Variants in CTNNA1 observed in about 807,000 individuals in gnomAD.
CTNNA1 encodes catenin alpha 1, also known as catenin alpha-1.
CTNNA1 carries 37 observed loss-of-function variants against 98.4 expected under a neutral mutation model. That is an observed-to-expected ratio of 0.38 (90% CI 0.29 to 0.49). The LOEUF (loss-of-function observed/expected upper bound fraction) is 0.49. Among genes scored for constraint, CTNNA1 ranks in the 20% least tolerant of loss-of-function variants. CTNNA1 has a pLI of 0.95. For synonymous variants in CTNNA1, 404 were observed against 413.2 expected, an observed-to-expected ratio of 0.98 and a Z score of 0.27; for missense variants, 761 against 1,147.2, an observed-to-expected ratio of 0.66 and a Z score of 4.86.
At chr5:138,780,837 C>G (rs1184161132) in intron 1 of CTNNA1, among the ~76,000 whole-genome samples, 6 of 152,136 alleles carry the variant, frequency 3.9e-5, no homozygotes, top group Non-Finnish European at 8.8e-5. Flanking sequence ...AAATGTCTAC[C>G]AGCAGTTTGT....
chr5:138,900,892 G>A (rs1757888596), intron 9 of CTNNA1, among the ~76,000 whole-genome samples: 1 of 152,182 alleles, frequency 6.6e-6, no homozygotes, highest in South Asian at 2.1e-4. Context: ...GGCACAGATG[G>A]TACAAAAGAG....
intron 1 of CTNNA1, among the ~76,000 whole-genome samples, chr5:138,776,749 C>G (rs534056203): frequency 6.9e-6 from 1 of 145,408 alleles, no homozygotes; most frequent in Admixed American, 6.8e-5. Context: ...TAGGGGCGGC[C>G]GGGCAGAAGC....
At chr5:138,828,959 A>C (rs1046895989) in intron 7 of CTNNA1, among the ~76,000 whole-genome samples, 3 of 152,206 alleles carry the variant, frequency 2.0e-5, no homozygotes, top group Non-Finnish European at 4.4e-5. Context: ...TCCCATCTCT[A>C]CAAAAAATAC....
chr5:138,892,328 GTTTTTTT>G (rs70982738), intron 9 of CTNNA1, among the ~76,000 whole-genome samples: 1,338 of 79,056 alleles, frequency 0.017, 6 homozygotes, highest in African/African-American at 0.071. Flanking sequence ...AAATAGCTTA[GTTTTTTT>G]TTTTTTTTTT....
At chr5:138,833,491 C>A (rs907378879) in intron 7 of CTNNA1, among the ~76,000 whole-genome samples, 3 of 152,160 alleles carry the variant, frequency 2.0e-5, no homozygotes, top group Admixed American at 6.5e-5. Context: ...TAAATAAAAT[C>A]TATTAAACTT....
chr5:138,797,583 G>A (rs1438444156), intron 3 of CTNNA1, among the ~76,000 whole-genome samples: 2 of 152,162 alleles, frequency 1.3e-5, no homozygotes, highest in Admixed American at 1.3e-4. Context: ...AGGTTCTGGT[G>A]AAGAAGCTAT....
At chr5:138,862,895 G>A (rs546632154) in intron 7 of CTNNA1, among the ~76,000 whole-genome samples, 1 of 152,206 alleles carries the variant, frequency 6.6e-6, no homozygotes, top group Non-Finnish European at 1.5e-5. Context: ...CTATTTGATG[G>A]ATCTGTAGCA....
At chr5:138,830,428 T>C (rs1240780086) in intron 7 of CTNNA1, among the ~76,000 whole-genome samples, 1 of 152,222 alleles carries the variant, frequency 6.6e-6, no homozygotes, top group Non-Finnish European at 1.5e-5. Context: ...GGAGATGGTC[T>C]CTGGGTATGT....
At chr5:138,799,657 G>C (rs1405889935) in intron 3 of CTNNA1, among the ~76,000 whole-genome samples, 1 of 149,418 alleles carries the variant, frequency 6.7e-6, no homozygotes, top group Non-Finnish European at 1.5e-5. Flanking sequence ...TGACCATTCA[G>C]AAGTTTGAGG....
At chr5:138,779,480 A>G (rs1201096721) in intron 1 of CTNNA1, among the ~76,000 whole-genome samples, 3 of 151,934 alleles carry the variant, frequency 2.0e-5, no homozygotes, top group African/African-American at 7.3e-5. Flanking sequence ...TCCGCACAAT[A>G]CAGTGCTTCA....
chr5:138,828,014 A>G, intron 7 of CTNNA1: 1 of 292,626 alleles, frequency 3.4e-6, no homozygotes, highest in Non-Finnish European at 5.9e-6. Context: ...ATATAAATGT[A>G]TATGTATGTA....
chr5:138,838,670 C>G (rs897214553), intron 7 of CTNNA1, among the ~76,000 whole-genome samples: 1 of 152,022 alleles, frequency 6.6e-6, no homozygotes, highest in African/African-American at 2.4e-5. Flanking sequence ...GACTTGAGAC[C>G]TTTCTTCTTT....
chr5:138,843,129 C>A (rs192623705), intron 7 of CTNNA1, among the ~76,000 whole-genome samples: 2 of 152,186 alleles, frequency 1.3e-5, no homozygotes, highest in African/African-American at 4.8e-5. Context: ...TGGTTACATA[C>A]AAGATAATTC....
chr5:138,764,860 A>ATC (rs1344939838), intron 1 of CTNNA1, among the ~76,000 whole-genome samples: 211 of 115,384 alleles, frequency 1.8e-3, no homozygotes, highest in African/African-American at 6.5e-3. Flanking sequence ...AATTTGCTGT[A>ATC]TCTCTCTCTT....
At chr5:138,797,805 C>A (rs1757128338) in intron 3 of CTNNA1, among the ~76,000 whole-genome samples, 1 of 151,706 alleles carries the variant, frequency 6.6e-6, no homozygotes. Flanking sequence ...ATGACCAGTT[C>A]CTGAGAACTG....
In CTNNA1 at chr5:138,917,790, G is replaced by A; in HGVS notation, c.1438G>A (p.Ala480Thr). ...ALAAKPQSKLAQENMDLFKEQ... is the reference protein window; with the variant it reads ...ALAAKPQSKLTQENMDLFKEQ... ...AGCAGCAAAACCACAGAGTAAACTG[G>A]CCCAAGAGAACATGGATCTTTTTAA... The change falls in exon 11 of 18, where the codon GCC (alanine) becomes ACC (threonine). Residue 480 changes from alanine to threonine, a missense_variant. Coordinates refer to ENST00000302763, the MANE Select transcript of CTNNA1 (RefSeq NM_001903.5). 1 of 1,614,130 alleles carries A rather than the reference G, an allele frequency of 6.2e-7. No homozygotes were observed. Among genetic ancestry groups the A allele is most frequent in the South Asian group, 1.1e-5 (1 of 91,076 alleles).
chr5:138,764,017 T>C (rs767865248), intron 1 of CTNNA1, among the ~76,000 whole-genome samples: 1 of 152,110 alleles, frequency 6.6e-6, no homozygotes, highest in Non-Finnish European at 1.5e-5. Context: ...AAACACCGTC[T>C]CTACTAAAAA....
intron 7 of CTNNA1, among the ~76,000 whole-genome samples, chr5:138,845,544 A>G (rs1385053043): frequency 6.6e-6 from 1 of 152,226 alleles, no homozygotes; most frequent in Non-Finnish European, 1.5e-5. Context: ...ATGTGTTTAC[A>G]GGCTTTGTCT....
At chr5:138,899,583 C>T (rs1246981333) in intron 9 of CTNNA1, among the ~76,000 whole-genome samples, 1 of 152,134 alleles carries the variant, frequency 6.6e-6, no homozygotes, top group Non-Finnish European at 1.5e-5. Flanking sequence ...TTGCCTGTTC[C>T]AGCTCTGCGC....
Sources: allele counts gnomAD v4.1 joint callset (sites outside exome capture counted in the v4.1 genomes callset), GRCh38; gene constraint gnomAD v4.1.1; transcripts MANE v1.5; gene names NCBI Gene and HGNC (gene_info 2026-07-23, HGNC 2026-07-21).